Variants in ABCC11 observed in about 807,000 individuals in gnomAD.
The protein encoded by ABCC11 is ATP-binding cassette sub-family C member 11.
In ABCC11, 135 loss-of-function variants were observed where a neutral mutation model predicts 149.3. The ratio of observed to expected loss-of-function variants is 0.90; its 90% CI spans 0.79 to 1.04. ABCC11 has a LOEUF of 1.04. ABCC11 is among the 50% of genes least tolerant of loss of function. ABCC11 has a pLI of 0.00. For synonymous variants in ABCC11, 665 were observed against 671.4 expected, an observed-to-expected ratio of 0.99 and a Z score of 0.15; for missense variants, 1,680 against 1,722.1, an observed-to-expected ratio of 0.98 and a Z score of 0.43.
chr16:48,195,076 T>C lies in ABCC11; in HGVS notation c.2405-1094A>G, dbSNP rs146260404. 1.2e-3 allele frequency among the ~76,000 whole-genome samples: 186 copies of C among 152,312 alleles called. 1 individual carries two copies. Among genetic ancestry groups the C allele is most frequent in the African/African-American group, 4.4e-3 (181 of 41,560 alleles). The stretch of plus-strand genomic sequence containing the variant: ...CCTCTCATCTATTCATGCTCACATG[T>C]CCCGTGCCCACAGTCTTTTCCCAAA... On this transcript the variant is annotated intron_variant, in intron 18 of 29. Transcript: ENST00000356608.
intron 14 of ABCC11, among the ~76,000 whole-genome samples, chr16:48,200,736 G>T (rs999527696): frequency 6.6e-6 from 1 of 152,164 alleles, no homozygotes; most frequent in African/African-American, 2.4e-5. Flanking sequence ...GATTTTTGGG[G>T]GTAGGGAAGG....
chr16:48,212,216 C>T (rs73540893), intron 10 of ABCC11, among the ~76,000 whole-genome samples: 3,950 of 152,254 alleles, frequency 0.026, 180 homozygotes, highest in African/African-American at 0.09. Context: ...GGCTTTCACA[C>T]TTGCTGTTTC....
rs750870455 is a variant in ABCC11, at chr16:48,211,037, T to C, written c.1519A>G (p.Met507Val). 11 of 1,614,082 alleles carry C rather than the reference T, an allele frequency of 6.8e-6. No individual in the cohort carries two copies. Among genetic ancestry groups the C allele is most frequent in the Non-Finnish European group, 9.3e-6 (11 of 1,180,056 alleles). ...CCGAGGGCATCTCTAGGCCTGGTCA[T>C]CCCCTCAGAAGCATGCCCGTTCCTC... Reference protein sequence around the residue: ...LERNGHASEGMTRPRDALGPE... With the variant: ...LERNGHASEGVTRPRDALGPE... The change falls in exon 11 of 30, where the codon ATG becomes GTG. Residue 507 changes from methionine to valine, a missense_variant. Coordinates refer to ENST00000356608, the MANE Select transcript of ABCC11 (RefSeq NM_001370497.1).
intron 19 of ABCC11, 151 bp from the exon 20 acceptor site, chr16:48,192,868 CTT>C: frequency 1.3e-6 from 1 of 746,750 alleles, no homozygotes; most frequent in South Asian, 1.7e-5. Context: ...TGGCTACTCT[CTT>C]TTGCCCTTCA....
At chr16:48,209,149 T>G (rs1351268044) in intron 11 of ABCC11, among the ~76,000 whole-genome samples, 1 of 152,110 alleles carries the variant, frequency 6.6e-6, no homozygotes, top group Non-Finnish European at 1.5e-5. Flanking sequence ...ACAGAGCAGG[T>G]GTCATTGCTG....
In ABCC11 at chr16:48,215,275, C is replaced by T. The variant is rs1250177980; in HGVS notation, c.1021G>A (p.Val341Met). 14 of 1,614,190 alleles carry T rather than the reference C, an allele frequency of 8.7e-6. No homozygotes were observed. Among genetic ancestry groups the T allele is most frequent in the Non-Finnish European group, 1.2e-5 (14 of 1,179,996 alleles). ...TSEVSDQRIR[V>M]TSEVLTCIKL... The stretch of plus-strand genomic sequence containing the variant: ...ATGCAAGTGAGAACTTCACTGGTCA[C>T]ACGGATGCGCTGGTCGCTGACCTCA... The change falls in exon 8 of 30, where the codon GTG (valine) becomes ATG (methionine). Residue 341 changes from valine (V) to methionine (M), a missense_variant. Val to Met is a conservative substitution (Grantham distance 21). Transcript: ENST00000356608.
intron 4 of ABCC11, among the ~76,000 whole-genome samples, chr16:48,225,758 T>G (rs933009076): frequency 2.6e-5 from 4 of 152,200 alleles, no homozygotes; most frequent in Non-Finnish European, 5.9e-5. Context: ...TCTCCAACAC[T>G]GATGACCATT....
intron 20 of ABCC11, among the ~76,000 whole-genome samples, chr16:48,190,108 A>C (rs980395184): frequency 1.3e-5 from 2 of 152,190 alleles, no homozygotes; most frequent in African/African-American, 4.8e-5. Context: ...AAGCTAAGAC[A>C]AGGTGCCTCT....
chr16:48,203,510 TA>T (rs1225940686), intron 13 of ABCC11, among the ~76,000 whole-genome samples: 1 of 152,142 alleles, frequency 6.6e-6, no homozygotes, highest in Non-Finnish European at 1.5e-5. Context: ...TTGACCAGAA[TA>T]AAAAGATGCA....
Position 48,170,165 on chromosome 16 carries a change from G to A in ABCC11, c.3831C>T (p.Asn1277=). 1.9e-6 allele frequency: 3 copies of A among 1,614,160 alleles called. No individual in the cohort carries two copies. The highest frequency in any genetic ancestry group is 2.5e-6 in the Non-Finnish European group (3 of 1,180,004). The change falls in exon 28 of 30, where the codon AAC becomes AAT. Residue 1277 remains asparagine, a synonymous_variant. Coordinates refer to ENST00000356608, the MANE Select transcript of ABCC11 (RefSeq NM_001370497.1). ...LHTDVVENGG[N]FSVGERQLLC... Reference sequence around the variant, plus strand: ...GCAGCTGCCTCTCCCCCACAGAGAAGTTTCCACCGTTTTCCACCACATCTG... The same window carrying A: ...GCAGCTGCCTCTCCCCCACAGAGAAATTTCCACCGTTTTCCACCACATCTG...
intron 24 of ABCC11, 67 bp from the exon 25 acceptor site, chr16:48,177,180 T>C: frequency 6.7e-7 from 1 of 1,498,426 alleles, no homozygotes; most frequent in Non-Finnish European, 9.0e-7. Flanking sequence ...CCTGCGGGCC[T>C]GCCAGCCTCC....
At position 48,170,134 on chromosome 16, in the gene ABCC11, T is replaced by G. The variant is rs201164805; in HGVS notation, c.3862A>C (p.Ile1288Leu). 6.4e-5 allele frequency: 103 copies of G among 1,614,124 alleles called. 1 individual carries two copies. The East Asian group carries it at 2.2e-3, about 34-fold the overall frequency. The change falls in exon 28 of 30, where the codon ATT becomes CTT. Residue 1288 changes from isoleucine (I) to leucine (L), a missense_variant. Coordinates refer to ENST00000356608, the MANE Select transcript of ABCC11 (RefSeq NM_001370497.1). ...GAGTTGCGAAGCACAGCCCTGGCAA[T>G]GCAGAGCAGCTGCCTCTCCCCCACA... ...FSVGERQLLC[I>L]ARAVLRNSKI...
chr16:48,212,113 T>C (rs1255125789), intron 10 of ABCC11, among the ~76,000 whole-genome samples: 1 of 152,184 alleles, frequency 6.6e-6, no homozygotes, highest in African/African-American at 2.4e-5. Context: ...AGCCTTCTCA[T>C]AGCTGCTGAG....
Position 48,227,876 on chromosome 16 carries a change from G to A in ABCC11, c.325C>T (p.Arg109Trp), listed in dbSNP as rs775796882. 31 of 1,613,972 alleles carry A rather than the reference G, an allele frequency of 1.9e-5. No individual in the cohort carries two copies. The highest frequency in any genetic ancestry group is 6.7e-5 in the Admixed American group (4 of 60,002). Residue 109 changes from arginine to tryptophan, a missense_variant, in exon 4 of 30, where the codon CGG becomes TGG. Arg to Trp is a moderately radical substitution (Grantham distance 101, BLOSUM62 -3). Transcript: ENST00000356608. ...WLTPLMIQSLRSRLDENTIPP... is the reference protein window; with the variant it reads ...WLTPLMIQSLWSRLDENTIPP... ...ATGGTGTTCTCATCTAAGCGACTCCGTAAGCTTTGGATCATGAGCGGGGTG... is the reference window on the plus strand; with the variant it reads ...ATGGTGTTCTCATCTAAGCGACTCCATAAGCTTTGGATCATGAGCGGGGTG...
In ABCC11 at chr16:48,205,469, G is replaced by T. The variant is rs551691924; in HGVS notation, c.1749C>A (p.Ile583=). 2.8e-5 allele frequency: 45 copies of T among 1,614,094 alleles called. No individual in the cohort carries two copies. The South Asian group carries it at 4.7e-4, about 17-fold the overall frequency. The stretch of plus-strand genomic sequence containing the variant: ...TGTTCTCCCTGATGTTCCCGCTGAC[G>T]ATCCAGGCCTGCTGGGGGACATAGG... ...SLAYVPQQAW[I]VSGNIRENIL... The change falls in exon 13 of 30, where the codon ATC becomes ATA. Residue 583 remains isoleucine, a synonymous_variant. Coordinates refer to ENST00000356608, the MANE Select transcript of ABCC11 (RefSeq NM_001370497.1).
intron 1 of ABCC11, 34 bp from the exon 2 acceptor site, chr16:48,231,973 C>T: frequency 6.2e-7 from 1 of 1,612,310 alleles, no homozygotes; most frequent in Non-Finnish European, 8.5e-7. Flanking sequence ...TATGAAAAGA[C>T]AGCAGGAGTT....
At chr16:48,197,517 G>A (rs1567508106) in intron 17 of ABCC11, among the ~76,000 whole-genome samples, 1 of 152,198 alleles carries the variant, frequency 6.6e-6, no homozygotes, top group Non-Finnish European at 1.5e-5. Flanking sequence ...CTTGAAAAAT[G>A]GAAGTCGCTC....
chr16:48,223,116 C>T (rs1193803750), intron 5 of ABCC11, among the ~76,000 whole-genome samples: 1 of 152,210 alleles, frequency 6.6e-6, no homozygotes, highest in East Asian at 1.9e-4. Flanking sequence ...AGTGGCTTTA[C>T]AAAGGTGTAG....
chr16:48,192,784 CT>C, intron 19 of ABCC11, 67 bp from the exon 20 acceptor site: 1 of 1,482,444 alleles, frequency 6.7e-7, no homozygotes, highest in East Asian at 2.3e-5. Flanking sequence ...GGAAAGCCTT[CT>C]CCCTGGGGCC....
Sources: gnomAD v4.1 joint callset for allele counts (sites outside exome capture counted in the v4.1 genomes callset) on GRCh38, gnomAD v4.1.1 for gene constraint, MANE v1.5 for transcripts, NCBI Gene and HGNC (gene_info 2026-07-23, HGNC 2026-07-21) for gene names.